Variants in RXFP2 observed in about 807,000 individuals in gnomAD.
RXFP2 encodes relaxin family peptide receptor 2, also known as relaxin receptor 2.
A neutral mutation model predicts 88.6 loss-of-function variants in RXFP2; 68 were observed. That is an observed-to-expected ratio of 0.77 (90% CI 0.63 to 0.94). The LOEUF is 0.94. Ranked by LOEUF, RXFP2 falls within the 40% of genes least tolerant of loss-of-function variation. RXFP2 has a pLI of 0.00. For synonymous variants in RXFP2, 329 were observed against 306.8 expected (o/e 1.07, Z -0.76); for missense variants, 791 against 893.9 (o/e 0.88, Z 1.47).
chr13:31,781,644 A>G (rs1873280271), intron 9 of RXFP2, 27 bp from the exon 10 acceptor site: 1 of 1,515,462 alleles, frequency 6.6e-7, no homozygotes, highest in Non-Finnish European at 9.2e-7. Context: ...AAAAATATTA[A>G]AAATATCTTT....
rs536390241 is a variant in RXFP2, at chr13:31,753,321, G to A, written c.95-4937G>A. 3.9e-5 allele frequency among the ~76,000 whole-genome samples: 6 copies of A among 152,216 alleles called. No homozygotes were observed. The East Asian group carries it at 1.2e-3, about 29-fold the overall frequency. ...AATAGCCTTGAGCAGCAATCCAGTTGGCTTTAAAAGGCCATCTAAACGTCA... is the reference window on the plus strand; with the variant it reads ...AATAGCCTTGAGCAGCAATCCAGTTAGCTTTAAAAGGCCATCTAAACGTCA... On this transcript the variant is annotated intron_variant, in intron 1 of 17. Coordinates refer to ENST00000298386, the MANE Select transcript of RXFP2 (RefSeq NM_130806.5).
chr13:31,796,796 A>G (rs190926731), intron 16 of RXFP2, among the ~76,000 whole-genome samples: 117 of 152,336 alleles, frequency 7.7e-4, no homozygotes, highest in African/African-American at 2.6e-3. Context: ...GTACAGGTTA[A>G]GCATTTGTAA....
chr13:31,764,364 A>G (rs1407929519), intron 3 of RXFP2, among the ~76,000 whole-genome samples: 1 of 151,830 alleles, frequency 6.6e-6, no homozygotes, highest in East Asian at 1.9e-4. Context: ...TTATCCTAGT[A>G]ACTACGTAAG....
At chr13:31,771,123 T>C (rs1456114378) in intron 5 of RXFP2, among the ~76,000 whole-genome samples, 2 of 152,198 alleles carry the variant, frequency 1.3e-5, no homozygotes, top group Non-Finnish European at 2.9e-5. Flanking sequence ...TGAATTTTAT[T>C]CTGTTTGAGC....
At chr13:31,764,504 C>T (rs1872459873) in intron 3 of RXFP2, among the ~76,000 whole-genome samples, 1 of 152,014 alleles carries the variant, frequency 6.6e-6, no homozygotes, top group Non-Finnish European at 1.5e-5. Context: ...AAACAAAGAA[C>T]CAAAATGAAG....
At chr13:31,742,362 ACT>A (rs928450369) in intron 1 of RXFP2, among the ~76,000 whole-genome samples, 1 of 152,120 alleles carries the variant, frequency 6.6e-6, no homozygotes, top group Non-Finnish European at 1.5e-5. Flanking sequence ...TCACTTGGCC[ACT>A]CTGACTTGAG....
intron 13 of RXFP2, among the ~76,000 whole-genome samples, chr13:31,787,988 C>T (rs1322412008): frequency 1.3e-5 from 2 of 152,152 alleles, no homozygotes; most frequent in Non-Finnish European, 2.9e-5. Flanking sequence ...ATTTCACAAA[C>T]ATATCTTAGC....
chr13:31,784,447 T>G (rs1176604953), intron 11 of RXFP2, among the ~76,000 whole-genome samples: 1 of 152,230 alleles, frequency 6.6e-6, no homozygotes, highest in Non-Finnish European at 1.5e-5. Flanking sequence ...GCACAAGTAC[T>G]TGAGACCCCC....
At chr13:31,795,448 C>A (rs1390632514) in intron 16 of RXFP2, among the ~76,000 whole-genome samples, 1 of 152,174 alleles carries the variant, frequency 6.6e-6, no homozygotes, top group East Asian at 1.9e-4. Context: ...CCACACCCAG[C>A]CTAGAACATA....
chr13:31,742,460 T>C (rs1032505453), intron 1 of RXFP2, among the ~76,000 whole-genome samples: 15 of 152,190 alleles, frequency 9.9e-5, no homozygotes, highest in African/African-American at 3.6e-4. Flanking sequence ...TTCAGGCCAG[T>C]CATCCCGAAG....
intron 2 of RXFP2, among the ~76,000 whole-genome samples, chr13:31,760,060 T>C (rs2138408306): frequency 6.6e-6 from 1 of 151,246 alleles, no homozygotes; most frequent in African/African-American, 2.4e-5. Context: ...TGCCTTATCT[T>C]TTCAGTGTTG....
chr13:31,739,766 T>A, intron 1 of RXFP2, 60 bp downstream of exon 1: 1 of 1,048,142 alleles, frequency 9.5e-7, no homozygotes, highest in Non-Finnish European at 1.5e-6. Flanking sequence ...CATTTCTATG[T>A]AGTTCTATGG....
In RXFP2 at chr13:31,756,801, A is replaced by G. The variant is rs192530778; in HGVS notation, c.95-1457A>G. 1.6e-3 allele frequency among the ~76,000 whole-genome samples: 250 copies of G among 151,988 alleles called. 1 individual carries two copies. The highest frequency in any genetic ancestry group is 3.4e-3 in the Middle Eastern group (1 of 292). On this transcript the variant is annotated intron_variant, in intron 1 of 17. Transcript: ENST00000298386. ...ATGCCTGACTAATTTTTGTATTTTT[A>G]GTAGAGATAGGGTTTCACCATGTTG...
At position 31,774,597 on chromosome 13, in the gene RXFP2, C is replaced by T. The variant is rs1004734451; in HGVS notation, c.498-23C>T. 5 of 1,236,978 alleles carry T rather than the reference C, an allele frequency of 4.0e-6. No homozygotes were observed. The African/African-American group carries it at 4.4e-5, about 11-fold the overall frequency. 76.6% of individuals were successfully genotyped at this position (1,236,978 alleles called of 1,614,324 possible). ...TAGTCCATAAACCATAATCACCTGA[C>T]TCTCTTATCTTATTCCTACCAGATT... On this transcript the variant is annotated intron_variant, in intron 5 of 17. Transcript: ENST00000298386.
intron 1 of RXFP2, among the ~76,000 whole-genome samples, chr13:31,752,262 G>A (rs1376386290): frequency 6.6e-6 from 1 of 152,128 alleles, no homozygotes; most frequent in African/African-American, 2.4e-5. Flanking sequence ...AAGAAGGAGG[G>A]GGGTAATATT....
rs553386855 is a variant in RXFP2, at chr13:31,789,106, C to T, written c.1074-16C>T. The T allele has an allele frequency of 7.9e-6, 12 of 1,519,110 alleles. No individual in the cohort carries two copies. The South Asian group carries it at 1.2e-4, about 16-fold the overall frequency. The allele number at this position is 1,519,110 out of a possible 1,614,324, so 94.1% of individuals were successfully genotyped here. Reference sequence around the variant, plus strand: ...TTCATCTCAACACCATTAAACCTATCGTGTGTATTTTCCAGAGACCTGGAA... The same window carrying T: ...TTCATCTCAACACCATTAAACCTATTGTGTGTATTTTCCAGAGACCTGGAA... On this transcript the variant is annotated splice_polypyrimidine_tract_variant and intron_variant, in intron 13 of 17. Transcript: ENST00000298386.
At position 31,765,020 on chromosome 13, in the gene RXFP2, TC is replaced by T; in HGVS notation, c.320-16del. The T allele has an allele frequency of 7.4e-7, 1 of 1,358,596 alleles. No individual in the cohort carries two copies. The highest frequency in any genetic ancestry group is 1.4e-5 in the African/African-American group (1 of 70,044). 84.2% of individuals were successfully genotyped at this position (1,358,596 alleles called of 1,614,324 possible). Reference sequence around the variant, plus strand: ...TATTTGTTTACTAGTGAAATCTTACTCTTTTTGTCCCATTAGTTCTAAAACA... The same window carrying T: ...TATTTGTTTACTAGTGAAATCTTACTTTTTTGTCCCATTAGTTCTAAAACA... On this transcript the variant is annotated splice_polypyrimidine_tract_variant and intron_variant, in intron 3 of 17. Transcript: ENST00000298386.
At position 31,792,968 on chromosome 13, in the gene RXFP2, C is replaced by A. The variant is rs1873867371; in HGVS notation, c.1666C>A (p.Pro556Thr). Residue 556 changes from proline to threonine, a missense_variant, in exon 16 of 18, where the codon CCA (proline) becomes ACA (threonine). Coordinates refer to ENST00000298386, the MANE Select transcript of RXFP2 (RefSeq NM_130806.5). The stretch of plus-strand genomic sequence containing the variant: ...GGCGGGATTTTTAATAGCTGTAATT[C>A]CATTTTGGAATAAGGATTATTTTGG... ...WMAGFLIAVI[P>T]FWNKDYFGNF... is the part of the protein sequence containing the mutation. 6.2e-7 allele frequency: 1 copy of A among 1,613,844 alleles called. No individual in the cohort carries two copies. Among genetic ancestry groups the A allele is most frequent in the Non-Finnish European group, 8.5e-7 (1 of 1,179,990 alleles).
At position 31,791,872 on chromosome 13, in the gene RXFP2, C is replaced by A. The variant is rs773336556; in HGVS notation, c.1212C>A (p.Asp404Glu). ...PHVRICMPLT[D>E]GISSFEDLLA... ...TCCGAATATGTATGCCCTTGACGGA[C>A]GGCATTTCTTCATTTGAGGACCTCT... is the stretch of plus-strand genomic sequence containing the variant. Residue 404 changes from aspartate to glutamate, a missense_variant, in exon 15 of 18, where the codon GAC (aspartate) becomes GAA (glutamate). Asp to Glu is a conservative substitution (Grantham distance 45). Coordinates refer to ENST00000298386, the MANE Select transcript of RXFP2 (RefSeq NM_130806.5). 2 of 1,614,094 alleles carry A rather than the reference C, an allele frequency of 1.2e-6. No homozygotes were observed. Among genetic ancestry groups the A allele is most frequent in the East Asian group, 2.2e-5 (1 of 44,884 alleles).
Sources: allele counts gnomAD v4.1 joint callset (sites outside exome capture counted in the v4.1 genomes callset), GRCh38; gene constraint gnomAD v4.1.1; transcripts MANE v1.5; gene names NCBI Gene and HGNC (gene_info 2026-07-23, HGNC 2026-07-21).